The following CNNM4 variants were observed in gnomAD, a reference collection of about 807,000 sequenced individuals.
CNNM4 encodes the protein cyclin and CBS domain divalent metal cation transport mediator 4.
In CNNM4, 32 loss-of-function variants were observed where a neutral mutation model predicts 53.7. The observed-to-expected ratio is 0.60, with a 90% CI of 0.45 to 0.80. The LOEUF (loss-of-function observed/expected upper bound fraction) is 0.80. Ranked by LOEUF, CNNM4 falls within the 30% of genes least tolerant of loss-of-function variation. The pLI is 0.00. For missense variants in CNNM4, 784 were observed against 1,022.0 expected (o/e 0.77, Z 3.17); for synonymous variants, 410 against 440.0 (o/e 0.93, Z 0.85).
At position 96,761,436 on chromosome 2, in the gene CNNM4, A is replaced by G. The variant is rs1403331101; in HGVS notation, c.437A>G (p.Lys146Arg). Residue 146 changes from lysine (K) to arginine (R), a missense_variant, in exon 1 of 7, where the codon AAG (lysine) becomes AGG (arginine). Around this residue, in one of 3 missense-constraint regions of CNNM4, gnomAD observed 473 missense variants for 624.6 expected, o/e 0.76. Transcript: ENST00000377075. This position sits in a 1 kb window ranked among gnomAD's most constrained non-coding sequence, Gnocchi z 6.0. ...TKFLRRSESM[K>R]LYALCTRAQP... The stretch of plus-strand genomic sequence containing the variant: ...TTCCTCCGGAGGAGCGAGAGCATGA[A>G]GCTGTATGCACTGTGCACCCGGGCC... 2.5e-6 allele frequency: 4 copies of G among 1,613,986 alleles called. No homozygotes were observed. Among genetic ancestry groups the G allele is most frequent in the South Asian group, 1.1e-5 (1 of 91,068 alleles).
intron 1 of CNNM4, among the ~76,000 whole-genome samples, chr2:96,796,303 C>T (rs1477001350): frequency 6.6e-6 from 1 of 151,762 alleles, no homozygotes; most frequent in Non-Finnish European, 1.5e-5. Flanking sequence ...TACTACCACA[C>T]CTAGCTGATT....
Position 96,761,972 on chromosome 2 carries a change from G to T in CNNM4, c.973G>T (p.Asp325Tyr). 6.2e-7 allele frequency: 1 copy of T among 1,614,146 alleles called. No individual in the cohort carries two copies. Among genetic ancestry groups the T allele is most frequent in the Non-Finnish European group, 8.5e-7 (1 of 1,180,030 alleles). ...PLSFPISKLLDFFLGQEIRTV... is the reference protein window; with the variant it reads ...PLSFPISKLLYFFLGQEIRTV... Reference sequence around the variant, plus strand: ...CAGTTTTCCCATTAGCAAGCTCCTGGACTTTTTTCTGGGCCAGGAGATTCG... The same window carrying T: ...CAGTTTTCCCATTAGCAAGCTCCTGTACTTTTTTCTGGGCCAGGAGATTCG... Residue 325 changes from aspartate (D) to tyrosine (Y), a missense_variant, in exon 1 of 7, where the codon GAC (aspartate) becomes TAC (tyrosine). Physicochemically the swap from Asp to Tyr is radical, Grantham distance 160. This residue lies in a region of CNNM4 where 473 missense variants were observed against 624.6 expected (regional missense o/e 0.76). Coordinates refer to ENST00000377075, the MANE Select transcript of CNNM4 (RefSeq NM_020184.4). This position sits in a 1 kb window ranked among gnomAD's most constrained non-coding sequence, Gnocchi z 6.0.
chr2:96,797,130 G>A lies in CNNM4; in HGVS notation c.1521G>A (p.Glu507=). 1 of 1,614,180 alleles carries A rather than the reference G, an allele frequency of 6.2e-7. No individual in the cohort carries two copies. The highest frequency in any genetic ancestry group is 8.5e-7 in the Non-Finnish European group (1 of 1,180,030). Residue 507 remains glutamate, a synonymous_variant, in exon 2 of 7, where the codon GAG becomes GAA. Transcript: ENST00000377075. This position sits in a 1 kb window ranked among gnomAD's most constrained non-coding sequence, Gnocchi z 6.0. ...EDVIEEIIKS[E]ILDESDMYTD... Reference sequence around the variant, plus strand: ...TGATCGAGGAGATCATCAAGTCGGAGATCCTGGACGAGTCCGACATGTACA... The same window carrying A: ...TGATCGAGGAGATCATCAAGTCGGAAATCCTGGACGAGTCCGACATGTACA...
Position 96,761,076 on chromosome 2 carries a change from TG to T in CNNM4, c.78del (p.Leu27TrpfsTer23). The T allele has an allele frequency of 7.4e-7, 1 of 1,344,402 alleles. No individual in the cohort carries two copies. Among genetic ancestry groups the T allele is most frequent in the South Asian group, 2.4e-5 (1 of 42,306 alleles). 83.3% of individuals were successfully genotyped at this position (1,344,402 alleles called of 1,614,324 possible). On this transcript the variant is annotated frameshift_variant, in exon 1 of 7. Coordinates refer to ENST00000377075, the MANE Select transcript of CNNM4 (RefSeq NM_020184.4). LOFTEE classifies it high-confidence loss of function. The surrounding 1 kb of genome is among the most constrained non-coding windows in gnomAD (Gnocchi z 6.0). ...CGCCTCCTCCTGGCGGCGCCGGTGC[TG>T]CTGGTGCTGCTGTGGGCGCTGGGGG... ...RGRLLLAAPV[L>X]LVLLWALGAR...
intron 1 of CNNM4, among the ~76,000 whole-genome samples, chr2:96,778,091 T>A (rs974495418): frequency 2.0e-5 from 3 of 151,538 alleles, no homozygotes; most frequent in African/African-American, 7.3e-5. Context: ...GGTCTTGAAC[T>A]CTTGAACTCA....
In CNNM4 at chr2:96,809,364, G is replaced by T; in HGVS notation, c.2175G>T (p.Met725Ile). Residue 725 changes from methionine to isoleucine, a missense_variant, in exon 7 of 7, where the codon ATG becomes ATT. Physicochemically the swap from Met to Ile is conservative, Grantham distance 10. Coordinates refer to ENST00000377075, the MANE Select transcript of CNNM4 (RefSeq NM_020184.4). ...QYQNGLLASR[M>I]ENSPQFPIDG... ...AGAACGGGCTGCTGGCTTCTCGCATGGAGAACAGCCCTCAGTTTCCCATAG... is the reference window on the plus strand; with the variant it reads ...AGAACGGGCTGCTGGCTTCTCGCATTGAGAACAGCCCTCAGTTTCCCATAG... The T allele has an allele frequency of 1.2e-6, 2 of 1,614,182 alleles. No individual in the cohort carries two copies. The highest frequency in any genetic ancestry group is 1.7e-6 in the Non-Finnish European group (2 of 1,180,020).
At chr2:96,768,980 G>A (rs1040460781) in intron 1 of CNNM4, among the ~76,000 whole-genome samples, 4 of 152,240 alleles carry the variant, frequency 2.6e-5, no homozygotes, top group African/African-American at 7.2e-5. Context: ...GGCCGGGTGC[G>A]GTGGCTTACG....
chr2:96,784,068 GA>G (rs1254236182), intron 1 of CNNM4, among the ~76,000 whole-genome samples: 2 of 151,956 alleles, frequency 1.3e-5, no homozygotes, highest in Non-Finnish European at 2.9e-5. Context: ...ACCGATATCA[GA>G]AAAAAACTCT....
At chr2:96,779,103 C>T (rs2078951065) in intron 1 of CNNM4, among the ~76,000 whole-genome samples, 1 of 152,082 alleles carries the variant, frequency 6.6e-6, no homozygotes, top group Non-Finnish European at 1.5e-5. Flanking sequence ...ACTATAGGCG[C>T]CTGCCACCAT....
At position 96,793,543 on chromosome 2, in the gene CNNM4, G is replaced by T. The variant is rs528029292; in HGVS notation, c.1403-3469G>T. Among the ~76,000 whole-genome samples the T allele has an allele frequency of 4.6e-5, 7 of 152,334 alleles. No individual in the cohort carries two copies. The East Asian group carries it at 1.4e-3, about 29-fold the overall frequency. On this transcript the variant is annotated intron_variant, in intron 1 of 6. Transcript: ENST00000377075. ...TCATGCAGCTGGCTGCCACCCGAGG[G>T]TGCACACACACAGCAGTGGATCCCG...
intron 1 of CNNM4, among the ~76,000 whole-genome samples, chr2:96,781,816 C>T (rs1574066169): frequency 1.3e-5 from 2 of 152,116 alleles, no homozygotes; most frequent in African/African-American, 2.4e-5. Flanking sequence ...GTTGCCCAGG[C>T]TGTTCTGGAA....
Position 96,769,205 on chromosome 2 carries a change from C to T in CNNM4, c.1402+6804C>T, listed in dbSNP as rs1369028702. On this transcript the variant is annotated intron_variant, in intron 1 of 6. Coordinates refer to ENST00000377075, the MANE Select transcript of CNNM4 (RefSeq NM_020184.4). The stretch of plus-strand genomic sequence containing the variant: ...GGTGGAGCTTGCAGTGAGCCGAGAT[C>T]GCGCCACTGCACTCCAGCCTGGGCA... Among the ~76,000 whole-genome samples, 6 of 150,912 alleles carry T rather than the reference C, an allele frequency of 4.0e-5. No individual in the cohort carries two copies. The East Asian group carries it at 5.9e-4, about 15-fold the overall frequency.
intron 1 of CNNM4, among the ~76,000 whole-genome samples, chr2:96,771,884 C>A (rs901184184): frequency 6.6e-6 from 1 of 152,194 alleles, no homozygotes; most frequent in South Asian, 2.1e-4. Context: ...TGCTGTGCGC[C>A]TCTGCGGGAA....
At chr2:96,798,952 T>C in intron 3 of CNNM4, 105 bp from the exon 4 acceptor site, 1 of 1,177,444 alleles carries the variant, frequency 8.5e-7, no homozygotes, top group Non-Finnish European at 1.3e-6. Flanking sequence ...GGGAGTCGTC[T>C]GAGCACAGCG....
chr2:96,782,804 T>C (rs1468213937), intron 1 of CNNM4, among the ~76,000 whole-genome samples: 1 of 152,166 alleles, frequency 6.6e-6, no homozygotes, highest in Non-Finnish European at 1.5e-5. Context: ...GTAGGATTAC[T>C]AGGTTAGTGC....
chr2:96,778,895 ATATG>A (rs1360658293), intron 1 of CNNM4, among the ~76,000 whole-genome samples: 6 of 152,170 alleles, frequency 3.9e-5, no homozygotes, highest in Admixed American at 3.9e-4. Context: ...AAGCTAATTA[ATATG>A]TATGTGACCT....
At chr2:96,806,568 T>C (rs1394643987) in intron 5 of CNNM4, among the ~76,000 whole-genome samples, 2 of 148,458 alleles carry the variant, frequency 1.3e-5, no homozygotes, top group Non-Finnish European at 3.0e-5. Context: ...TAGTTAAAAA[T>C]TGTATTGGTC....
rs574976623 is a variant in CNNM4 at position 96,801,513 on chromosome 2, C to A, written c.1948+1865C>A. 4.6e-3 allele frequency among the ~76,000 whole-genome samples: 668 copies of A among 146,054 alleles called. 27 individuals are homozygous for A. The highest frequency in any genetic ancestry group is 0.039 in the Admixed American group (579 of 14,720). ...CACAGAGACCACACACAGAGAGAGA[C>A]CACACACAGAGATAGCACACACACA... is the stretch of plus-strand genomic sequence containing the variant. On this transcript the variant is annotated intron_variant, in intron 5 of 6. Coordinates refer to ENST00000377075, the MANE Select transcript of CNNM4 (RefSeq NM_020184.4). This position sits in a 1 kb window ranked among gnomAD's most constrained non-coding sequence, Gnocchi z 5.6.
In CNNM4 at chr2:96,809,516, G is replaced by A; in HGVS notation, c.2327G>A (p.Ter776=). ...LHKASHENAI[*] is the part of the protein sequence containing the mutation. ...AAAGCCTCCCACGAGAATGCCATCT[G>A]ACAGGAGGGCCCGGGGCCCCCTGCC... The change falls in exon 7 of 7, where the codon TGA becomes TAA. Residue 776 remains the stop codon, a stop_retained_variant. Transcript: ENST00000377075. 1 of 1,614,116 alleles carries A rather than the reference G, an allele frequency of 6.2e-7. No homozygotes were observed. Among genetic ancestry groups the A allele is most frequent in the South Asian group, 1.1e-5 (1 of 91,080 alleles).
Sources: gnomAD v4.1 joint callset for allele counts (sites outside exome capture counted in the v4.1 genomes callset) on GRCh38, gnomAD v4.1.1 for gene constraint, gnomAD v4.1.1 regional missense constraint, Gnocchi (gnomAD v3.1) non-coding constraint, MANE v1.5 for transcripts, NCBI Gene and HGNC (gene_info 2026-07-23, HGNC 2026-07-21) for gene names.